Variants in PGAP4 observed in about 807,000 individuals in gnomAD.
PGAP4 encodes GPI-N-acetylgalactosamine transferase PGAP4.
Under a neutral mutation model 28.2 loss-of-function variants are expected in PGAP4, and 12 were observed. The ratio of observed to expected loss-of-function variants is 0.42; its 90% CI spans 0.27 to 0.69. The LOEUF is 0.69. Among genes scored for constraint, PGAP4 ranks in the 30% least tolerant of loss-of-function variants. The pLI is 0.22. For synonymous variants in PGAP4, 205 were observed against 211.8 expected (o/e 0.97, Z 0.28); for missense variants, 425 against 513.5 (o/e 0.83, Z 1.67).
chr9:101,476,901 C>A lies in PGAP4; in HGVS notation c.192G>T (p.Glu64Asp), dbSNP rs11546568. ...CCTCTTTCAAGCTTTGCTGCAGGAA[C>A]TCTTGGCTCATTTGGTTCAGATGCC... The part of the protein sequence containing the change: ...RHWHLNQMSQ[E>D]FLQQSLKEGE... The change falls in exon 2 of 2, where the codon GAG (glutamate) becomes GAT (aspartate). Residue 64 changes from glutamate to aspartate, a missense_variant. By Grantham distance (45) the Glu-to-Asp change is conservative (BLOSUM62 2). Transcript: ENST00000374848. This position sits in a 1 kb window ranked among gnomAD's most constrained non-coding sequence, Gnocchi z 7.0. 1 of 1,613,870 alleles carries A rather than the reference C, an allele frequency of 6.2e-7. No homozygotes were observed. The highest frequency in any genetic ancestry group is 1.1e-5 in the South Asian group (1 of 91,018).
chr9:101,474,987 A>ATGCT lies in PGAP4; in HGVS notation c.*893_*894insAGCA, dbSNP rs1826254895. ...TCAGGTCTTCTGACTTCAGTCCATG[A>ATGCT]TTTTTTTTTTTTTTTTTCTATAACA... On this transcript the variant is annotated 3_prime_UTR_variant, in exon 2 of 2. Transcript: ENST00000374848. The ATGCT allele has an allele frequency of 6.9e-6, 1 of 143,926 alleles. No homozygotes were observed. The highest frequency in any genetic ancestry group is 6.9e-5 in the Admixed American group (1 of 14,572). 8.9% of individuals were successfully genotyped at this position (143,926 alleles called of 1,614,324 possible). A position where few individuals can be genotyped will look rare whatever the true frequency, so the allele number is the denominator to read the frequency against.
intron 2 of PGAP4, among the ~76,000 whole-genome samples, chr9:101,498,647 A>ATAGT (rs1014379422): frequency 2.6e-5 from 4 of 151,996 alleles, no homozygotes; most frequent in African/African-American, 7.2e-5. Context: ...TGTTAACTGT[A>ATAGT]TAGTTGCAGG....
chr9:101,488,361 G>T (rs1113384), upstream of PGAP4, among the ~76,000 whole-genome samples: 23,350 of 152,140 alleles, frequency 0.15, 2,377 homozygotes, highest in East Asian at 0.36. Context: ...CTGATATTCC[G>T]AAATTGGAGG....
chr9:101,495,472 A>G (rs1826738434), intron 2 of PGAP4, among the ~76,000 whole-genome samples: 1 of 137,940 alleles, frequency 7.2e-6, no homozygotes, highest in South Asian at 2.1e-4. Flanking sequence ...TATTTTATAT[A>G]TAATATATAT....
chr9:101,530,657 T>G (rs184723018), intron 2 of PGAP4, among the ~76,000 whole-genome samples: 12 of 152,350 alleles, frequency 7.9e-5, no homozygotes, highest in Non-Finnish European at 1.5e-4. Context: ...GAGAGAGATC[T>G]CTGCCATCCT....
chr9:101,523,619 CTTTTTTT>C (rs71356369), intron 2 of PGAP4, among the ~76,000 whole-genome samples: 7 of 59,346 alleles, frequency 1.2e-4, no homozygotes, highest in African/African-American at 1.4e-4. Context: ...CTTCTTGTAT[CTTTTTTT>C]TTTTTTTTTT....
rs150010208 is a variant in PGAP4, at chr9:101,524,413, C to T, written c.-165+6935G>A. 3.9e-3 allele frequency among the ~76,000 whole-genome samples: 588 copies of T among 152,216 alleles called. 4 individuals are homozygous for T. Among genetic ancestry groups the T allele is most frequent in the African/African-American group, 0.013 (540 of 41,536 alleles). On this transcript the variant is annotated intron_variant, in intron 2 of 3. Coordinates refer to the PGAP4 transcript ENST00000374851. ...CCCCAGGCTATCTACCTCCCAGCTGCGAAAGAAAAGGGCTTCGTTCCTTCT... is the reference window on the plus strand; with the variant it reads ...CCCCAGGCTATCTACCTCCCAGCTGTGAAAGAAAAGGGCTTCGTTCCTTCT...
At chr9:101,529,773 C>T (rs1827071065) in intron 2 of PGAP4, among the ~76,000 whole-genome samples, 1 of 152,144 alleles carries the variant, frequency 6.6e-6, no homozygotes, top group African/African-American at 2.4e-5. Flanking sequence ...GAGGAGGGGG[C>T]TCGTTTTTGT....
chr9:101,527,247 C>G (rs1384955115), intron 2 of PGAP4, among the ~76,000 whole-genome samples: 1 of 152,172 alleles, frequency 6.6e-6, no homozygotes, highest in African/African-American at 2.4e-5. Flanking sequence ...CATTAGTCAT[C>G]AATGTAATCA....
chr9:101,526,362 G>A (rs1010884438), intron 2 of PGAP4, among the ~76,000 whole-genome samples: 1 of 152,246 alleles, frequency 6.6e-6, no homozygotes, highest in Middle Eastern at 3.4e-3. Context: ...TGCATGGTTT[G>A]GACATAGTCC....
intron 1 of PGAP4, among the ~76,000 whole-genome samples, chr9:101,482,590 C>T (rs979285164): frequency 2.6e-5 from 4 of 152,144 alleles, no homozygotes; most frequent in African/African-American, 9.7e-5. Context: ...TTCAATGATT[C>T]CCCCATGACT....
At chr9:101,482,047 A>G (rs1222257893) in intron 1 of PGAP4, among the ~76,000 whole-genome samples, 1 of 152,192 alleles carries the variant, frequency 6.6e-6, no homozygotes, top group African/African-American at 2.4e-5. Flanking sequence ...ACAAGCCAAA[A>G]GATCTAGGTC....
In PGAP4 at chr9:101,475,960, T is replaced by A; in HGVS notation, c.1133A>T (p.Tyr378Phe). 6.2e-7 allele frequency: 1 copy of A among 1,614,198 alleles called. No homozygotes were observed. Among genetic ancestry groups the A allele is most frequent in the South Asian group, 1.1e-5 (1 of 91,078 alleles). ...TTTCACGAGGTTCGGCTCCACTACATAGGCCCTCTCTCCCTTGGCCCTCAA... is the reference window on the plus strand; with the variant it reads ...TTTCACGAGGTTCGGCTCCACTACAAAGGCCCTCTCTCCCTTGGCCCTCAA... ...SLLRAKGERA[Y>F]VVEPNLVKHI... is the part of the protein sequence containing the mutation. The change falls in exon 2 of 2, where the codon TAT (tyrosine) becomes TTT (phenylalanine). Residue 378 changes from tyrosine (Y) to phenylalanine (F), a missense_variant. Physicochemically the swap from Tyr to Phe is conservative, Grantham distance 22 (BLOSUM62 3). Coordinates refer to ENST00000374848, the MANE Select transcript of PGAP4 (RefSeq NM_032342.3).
At chr9:101,501,150 G>A (rs1826794885) in intron 2 of PGAP4, among the ~76,000 whole-genome samples, 1 of 152,022 alleles carries the variant, frequency 6.6e-6, no homozygotes, top group Non-Finnish European at 1.5e-5. Context: ...AGGATATCCA[G>A]CATGAAGCCA....
intron 2 of PGAP4, among the ~76,000 whole-genome samples, chr9:101,515,991 AT>A: frequency 6.6e-6 from 1 of 152,208 alleles, no homozygotes; most frequent in Non-Finnish European, 1.5e-5. Flanking sequence ...AATTATCTTG[AT>A]TTAGTGGTTC....
chr9:101,519,069 T>A (rs1299922950), intron 2 of PGAP4, among the ~76,000 whole-genome samples: 1 of 152,216 alleles, frequency 6.6e-6, no homozygotes, highest in Non-Finnish European at 1.5e-5. Context: ...TCATTAGTGA[T>A]GTGAACACTT....
At chr9:101,514,009 C>CTTTTTTT (rs75808649) in intron 2 of PGAP4, among the ~76,000 whole-genome samples, 1 of 145,632 alleles carries the variant, frequency 6.9e-6, no homozygotes, top group Non-Finnish European at 1.5e-5. Flanking sequence ...CTTTTCTCTT[C>CTTTTTTT]TTTTTTTTTT....
intron 2 of PGAP4, among the ~76,000 whole-genome samples, chr9:101,512,421 T>G (rs928507612): frequency 2.0e-5 from 3 of 152,166 alleles, no homozygotes; most frequent in Non-Finnish European, 4.4e-5. Flanking sequence ...TCCACATTTA[T>G]TTTTGTGTTT....
At chr9:101,477,580 G>A (rs752653069) in intron 1 of PGAP4, among the ~76,000 whole-genome samples, 4 of 152,084 alleles carry the variant, frequency 2.6e-5, no homozygotes, top group Non-Finnish European at 5.9e-5. Flanking sequence ...CACATTTAGA[G>A]CAAGTTCCAG....
Sources: allele counts gnomAD v4.1 joint callset (sites outside exome capture counted in the v4.1 genomes callset), GRCh38; gene constraint gnomAD v4.1.1; non-coding constraint Gnocchi (gnomAD v3.1); transcripts MANE v1.5; gene names NCBI Gene and HGNC (gene_info 2026-07-23, HGNC 2026-07-21).